The following CSNK1G1 variants were observed in gnomAD, a reference collection of about 807,000 sequenced individuals.
The protein encoded by CSNK1G1 is casein kinase I isoform gamma-1.
Under a neutral mutation model 59.6 loss-of-function variants are expected in CSNK1G1, and 22 were observed. The ratio of observed to expected loss-of-function variants is 0.37; its 90% CI spans 0.26 to 0.53. The LOEUF is 0.53. CSNK1G1 is among the 20% of genes least tolerant of loss of function. The pLI, the probability that CSNK1G1 is intolerant of heterozygous loss-of-function variation, is 0.89. For missense variants in CSNK1G1, 384 were observed against 519.5 expected (o/e 0.74, Z 2.54); for synonymous variants, 179 against 177.1 (o/e 1.01, Z -0.08).
rs1362675125 is a variant in CSNK1G1 at position 64,176,338 on chromosome 15, G to A, written c.1214+4010C>T. On this transcript the variant is annotated intron_variant, in intron 11 of 11. Transcript: ENST00000303052. The surrounding 1 kb of genome is among the most constrained non-coding windows in gnomAD (Gnocchi z 5.2). ...AGAAAGGAAGAGAGAGAAAGAGAGA[G>A]ATATTAGTCCACAGAGGTGAAATGG... The A allele has an allele frequency of 2.9e-6, 1 of 345,696 alleles. No homozygotes were observed. Among genetic ancestry groups the A allele is most frequent in the Non-Finnish European group, 5.1e-6 (1 of 194,660 alleles). The allele number at this position is 345,696 out of a possible 1,614,324, so 21.4% of individuals were successfully genotyped here. A position where few individuals can be genotyped will look rare whatever the true frequency, so the allele number is the denominator to read the frequency against.
chr15:64,170,523 G>GCAGGC lies in CSNK1G1; in HGVS notation c.*1403_*1407dup, dbSNP rs1293706089. ...CTTCATAAGCTTGGTTTCTGATAAG[G>GCAGGC]CAGGCCAGCCCAAATGCTACAGCTC... is the stretch of plus-strand genomic sequence containing the variant. On this transcript the variant is annotated 3_prime_UTR_variant, in exon 12 of 12. Transcript: ENST00000303052. 1 of 152,666 alleles carries GCAGGC rather than the reference G, an allele frequency of 6.6e-6. No individual in the cohort carries two copies. Among genetic ancestry groups the GCAGGC allele is most frequent in the Non-Finnish European group, 1.5e-5 (1 of 68,080 alleles). 9.5% of individuals were successfully genotyped at this position (152,666 alleles called of 1,614,324 possible).
rs1344492969 is a variant in CSNK1G1, at chr15:64,283,953, G to C, written c.181+16366C>G. On this transcript the variant is annotated intron_variant, in intron 2 of 11. Transcript: ENST00000303052. ...TCATCCTTATGTTTGTTTTTTTTAAGACTTTTATAGTTTTGACTCTTACAT... is the reference window on the plus strand; with the variant it reads ...TCATCCTTATGTTTGTTTTTTTTAACACTTTTATAGTTTTGACTCTTACAT... Among the ~76,000 whole-genome samples, 3 of 151,968 alleles carry C rather than the reference G, an allele frequency of 2.0e-5. No homozygotes were observed. In the East Asian group the frequency reaches 5.8e-4, roughly 29 times the overall value.
intron 3 of CSNK1G1, among the ~76,000 whole-genome samples, chr15:64,253,679 T>A (rs1051534570): frequency 6.6e-6 from 1 of 152,142 alleles, no homozygotes; most frequent in Non-Finnish European, 1.5e-5. Context: ...TGTGCATAAT[T>A]GGATGAATGG....
intron 1 of CSNK1G1, among the ~76,000 whole-genome samples, chr15:64,324,630 T>C (rs1186607988): frequency 6.6e-6 from 1 of 152,244 alleles, no homozygotes; most frequent in African/African-American, 2.4e-5. Flanking sequence ...CTGGCTTCCC[T>C]GCTCCTCAGT....
chr15:64,343,667 T>C (rs1401409334), intron 1 of CSNK1G1, among the ~76,000 whole-genome samples: 2 of 151,998 alleles, frequency 1.3e-5, no homozygotes, highest in African/African-American at 2.4e-5. Context: ...CTTCATTACA[T>C]ATCTGTGTTA....
At chr15:64,281,692 T>C (rs1894143598) in intron 2 of CSNK1G1, among the ~76,000 whole-genome samples, 1 of 151,458 alleles carries the variant, frequency 6.6e-6, no homozygotes, top group Admixed American at 6.6e-5. Flanking sequence ...ATACAAAAAT[T>C]AGCTGGGCGT....
intron 10 of CSNK1G1, chr15:64,195,104 A>G (rs1360243876): frequency 6.6e-6 from 1 of 152,252 alleles, no homozygotes. Flanking sequence ...CAAAGAATAA[A>G]TTCTTTCCCT....
At chr15:64,344,383 C>A (rs1897833626) in intron 1 of CSNK1G1, among the ~76,000 whole-genome samples, 1 of 152,118 alleles carries the variant, frequency 6.6e-6, no homozygotes, top group Non-Finnish European at 1.5e-5. Context: ...TCCATTGTTG[C>A]TTTATGGCAT....
chr15:64,290,894 A>G (rs1566935584), intron 2 of CSNK1G1, among the ~76,000 whole-genome samples: 1 of 152,116 alleles, frequency 6.6e-6, no homozygotes, highest in Non-Finnish European at 1.5e-5. Flanking sequence ...TTGTATTTTC[A>G]GTAGAGACGG....
rs776000948 is a variant in CSNK1G1 at position 64,189,381 on chromosome 15, G to A, written c.1108-8927C>T. 5.5e-6 allele frequency: 7 copies of A among 1,267,390 alleles called. No homozygotes were observed. The African/African-American group carries it at 9.2e-5, about 17-fold the overall frequency. The allele number at this position is 1,267,390 out of a possible 1,614,324, so 78.5% of individuals were successfully genotyped here. ...GCTACTATTCTGATCTTGCTCATAT[G>A]TGACTTTTGTCCAGAAGAATCTGTT... On this transcript the variant is annotated intron_variant, in intron 10 of 11. Transcript: ENST00000303052.
At chr15:64,350,446 A>T (rs1326488887) in intron 1 of CSNK1G1, among the ~76,000 whole-genome samples, 3 of 152,080 alleles carry the variant, frequency 2.0e-5, no homozygotes, top group Non-Finnish European at 4.4e-5. Context: ...GCTTGCAGTG[A>T]GCCAAGATCA....
chr15:64,303,818 C>A (rs1171014600), intron 1 of CSNK1G1, among the ~76,000 whole-genome samples: 2 of 148,392 alleles, frequency 1.3e-5, no homozygotes, highest in African/African-American at 5.0e-5. Flanking sequence ...CTTGGGGAGG[C>A]TGAAGTTGGA....
chr15:64,233,442 T>C (rs961441202), intron 4 of CSNK1G1, among the ~76,000 whole-genome samples: 1 of 152,206 alleles, frequency 6.6e-6, no homozygotes, highest in Non-Finnish European at 1.5e-5. Context: ...AATTACTCTA[T>C]GTGGCTCAGG....
chr15:64,326,585 A>G (rs1896847900), intron 1 of CSNK1G1, among the ~76,000 whole-genome samples: 2 of 151,910 alleles, frequency 1.3e-5, no homozygotes, highest in African/African-American at 4.8e-5. Flanking sequence ...TGGAGGTTGC[A>G]GGGAGCTGAG....
In CSNK1G1 at chr15:64,168,894, A is replaced by G. The variant is rs182996822; in HGVS notation, c.*3037T>C. The G allele has an allele frequency of 4.6e-5, 7 of 152,532 alleles. No individual in the cohort carries two copies. Among genetic ancestry groups the G allele is most frequent in the Admixed American group, 1.3e-4 (2 of 15,302 alleles). 9.4% of individuals were successfully genotyped at this position (152,532 alleles called of 1,614,324 possible). ...GGTCTGGGACCACTTTGAAGTGCCA[A>G]TGGCTCTGGAGGGATCACCATTACT... On this transcript the variant is annotated 3_prime_UTR_variant, in exon 12 of 12. Transcript: ENST00000303052.
chr15:64,201,441 A>C (rs2082106388), intron 10 of CSNK1G1, among the ~76,000 whole-genome samples: 1 of 152,182 alleles, frequency 6.6e-6, no homozygotes, highest in South Asian at 2.1e-4. Flanking sequence ...GCAGAAGTCA[A>C]CAGTCTTTTG....
chr15:64,335,847 T>A (rs1897360603), intron 1 of CSNK1G1: 1 of 152,176 alleles, frequency 6.6e-6, no homozygotes, highest in African/African-American at 2.4e-5. Flanking sequence ...GTCCTAGTCA[T>A]TTCATTTCAA....
At chr15:64,333,407 C>T (rs1397337938) in intron 1 of CSNK1G1, among the ~76,000 whole-genome samples, 4 of 109,274 alleles carry the variant, frequency 3.7e-5, no homozygotes, top group Non-Finnish European at 6.8e-5. Context: ...CAAGACCAGC[C>T]TGGGCAACAC....
chr15:64,339,061 G>T (rs1295301921), intron 1 of CSNK1G1, among the ~76,000 whole-genome samples: 5 of 152,216 alleles, frequency 3.3e-5, no homozygotes, highest in African/African-American at 1.2e-4. Flanking sequence ...TAAAGTGCAG[G>T]ATTCTGAAGG....
Sources: gnomAD v4.1 joint callset for allele counts (sites outside exome capture counted in the v4.1 genomes callset) on GRCh38, gnomAD v4.1.1 for gene constraint, Gnocchi (gnomAD v3.1) non-coding constraint, MANE v1.5 for transcripts, NCBI Gene and HGNC (gene_info 2026-07-23, HGNC 2026-07-21) for gene names.